Variants in GARIN5A observed in about 807,000 individuals in gnomAD.
GARIN5A encodes the protein golgi associated RAB2 interactor 5A, also known as Golgi-associated RAB2 interactor protein 5A.
At chr19:50,476,049 G>T in the GARIN5A span, 12 of 1,606,678 alleles carry the variant, frequency 7.5e-6, no homozygotes, top group Non-Finnish European at 9.3e-6. Flanking sequence ...CGGGGTATCA[G>T]ATGCCCCCGA....
the GARIN5A span, among the ~76,000 whole-genome samples, chr19:50,474,828 G>C: frequency 6.6e-6 from 1 of 152,174 alleles, no homozygotes; most frequent in Non-Finnish European, 1.5e-5. Flanking sequence ...TAAAGGGGCA[G>C]TGTGGAGTGA....
At chr19:50,468,807 T>C in the GARIN5A span, among the ~76,000 whole-genome samples, 3 of 152,194 alleles carry the variant, frequency 2.0e-5, no homozygotes, top group Non-Finnish European at 4.4e-5. Flanking sequence ...GGTTTCACCA[T>C]GTTGGCCAGG....
At chr19:50,471,659 C>CGTGTGTGTATACGCATACATGCAT in the GARIN5A span, among the ~76,000 whole-genome samples, 8 of 102,260 alleles carry the variant, frequency 7.8e-5, no homozygotes, top group Non-Finnish European at 1.4e-4. Context: ...CATACATGCA[C>CGTGTGTGTATACGCATACATGCAT]GTGTGTGTAT....
the GARIN5A span, among the ~76,000 whole-genome samples, chr19:50,469,979 T>TC: frequency 2.0e-5 from 3 of 152,136 alleles, no homozygotes; most frequent in African/African-American, 7.2e-5. Flanking sequence ...ACCCAGTTTT[T>TC]CCCCCGACAA....
At chr19:50,476,141 C>G in the GARIN5A span, 23 of 1,613,430 alleles carry the variant, frequency 1.4e-5, no homozygotes, top group Non-Finnish European at 1.9e-5. Context: ...TGCCATCCCA[C>G]CTGGTTCCAC....
the GARIN5A span, chr19:50,475,426 C>T: frequency 6.0e-5 from 97 of 1,609,354 alleles, no homozygotes; most frequent in South Asian, 9.9e-4. Context: ...CCATGGTGAC[C>T]TCGTTGGCAA....
chr19:50,474,324 C>T, the GARIN5A span, among the ~76,000 whole-genome samples: 84 of 150,030 alleles, frequency 5.6e-4, no homozygotes, highest in South Asian at 3.2e-3. Context: ...GGATTACCGG[C>T]GCCCGCCACC....
At chr19:50,472,009 T>C in the GARIN5A span, among the ~76,000 whole-genome samples, 10 of 149,984 alleles carry the variant, frequency 6.7e-5, no homozygotes, top group African/African-American at 1.5e-4. Flanking sequence ...TGTATGTATA[T>C]ATACGTGTGT....
chr19:50,475,815 G>A, the GARIN5A span: 9 of 1,576,604 alleles, frequency 5.7e-6, no homozygotes, highest in Non-Finnish European at 7.9e-6. Flanking sequence ...GGGATGAGGG[G>A]GTTCTGGGGC....
the GARIN5A span, chr19:50,475,196 T>C: frequency 5.5e-5 from 75 of 1,359,452 alleles, no homozygotes; most frequent in Non-Finnish European, 7.2e-5. Context: ...AGATGGCAGC[T>C]CAGGGAGGGC....
At chr19:50,468,598 C>CCACTAT in the GARIN5A span, among the ~76,000 whole-genome samples, 1 of 151,852 alleles carries the variant, frequency 6.6e-6, no homozygotes, top group African/African-American at 2.4e-5. Flanking sequence ...CCTGGTGGCT[C>CCACTAT]CACTATTTTT....
the GARIN5A span, chr19:50,467,629 T>C: frequency 1.3e-6 from 2 of 1,560,160 alleles, no homozygotes; most frequent in Non-Finnish European, 1.7e-6. Flanking sequence ...CACCTCTTAC[T>C]CCTGCGTGAA....
chr19:50,476,517 G>A, the GARIN5A span: 1 of 1,568,946 alleles, frequency 6.4e-7, no homozygotes, highest in East Asian at 2.4e-5. Context: ...GCTCACAGCC[G>A]TCCCTTCGCT....
the GARIN5A span, among the ~76,000 whole-genome samples, chr19:50,471,897 C>CATACATGTATGTGTGTATATGTGTAT: frequency 6.5e-3 from 940 of 145,702 alleles, 19 homozygotes; most frequent in East Asian, 0.039. Flanking sequence ...TATATGTATG[C>CATACATGTATGTGTGTATATGTGTAT]ATACATGTAT....
chr19:50,474,325 G>A, the GARIN5A span, among the ~76,000 whole-genome samples: 226 of 148,890 alleles, frequency 1.5e-3, no homozygotes, highest in African/African-American at 5.1e-3. Flanking sequence ...GATTACCGGC[G>A]CCCGCCACCA....
At chr19:50,472,187 C>CGT in the GARIN5A span, among the ~76,000 whole-genome samples, 12 of 119,102 alleles carry the variant, frequency 1.0e-4, no homozygotes, top group African/African-American at 4.1e-4. Flanking sequence ...TGTATGTATA[C>CGT]ATGTATGTGT....
chr19:50,467,916 C>T, the GARIN5A span: 7 of 1,117,140 alleles, frequency 6.3e-6, no homozygotes, highest in Non-Finnish European at 9.2e-6. Flanking sequence ...CCTTGCCACC[C>T]CTCCCTCTGC....
chr19:50,468,867 C>T, the GARIN5A span, among the ~76,000 whole-genome samples: 69 of 152,168 alleles, frequency 4.5e-4, no homozygotes, highest in East Asian at 1.5e-3. Flanking sequence ...CTCAAAGTGC[C>T]GGGATTATAG....
the GARIN5A span, among the ~76,000 whole-genome samples, chr19:50,472,809 T>C: frequency 5.9e-5 from 9 of 152,196 alleles, no homozygotes; most frequent in East Asian, 1.7e-3. Context: ...GGTGGGAGGA[T>C]CGCTTGCGCC....
Sources: allele counts gnomAD v4.1 joint callset (sites outside exome capture counted in the v4.1 genomes callset), GRCh38; gene constraint gnomAD v4.1.1; transcripts MANE v1.5; gene names NCBI Gene and HGNC (gene_info 2026-07-23, HGNC 2026-07-21).